Variants in LANCL3 observed in about 807,000 individuals in gnomAD.
The protein encoded by LANCL3 is lanC-like protein 3.
A neutral mutation model predicts 26.5 loss-of-function variants in LANCL3; 19 were observed. The ratio of observed to expected loss-of-function variants is 0.72; its 90% CI spans 0.50 to 1.05. LANCL3 has a LOEUF of 1.05. Ranked by LOEUF, LANCL3 falls within the 50% of genes least tolerant of loss-of-function variation. The probability of loss-of-function intolerance (pLI) is 0.00; values close to 1 mark genes in which losing one functional copy is unlikely to be tolerated. For synonymous variants in LANCL3, 160 were observed against 166.6 expected (o/e 0.96, Z 0.30); for missense variants, 318 against 362.7 (o/e 0.88, Z 1.00).
rs368270626 is a variant in LANCL3 at position 37,604,650 on chromosome X, T to A, written c.573+32207T>A. On this transcript the variant is annotated intron_variant, in intron 1 of 4. Transcript: ENST00000378619. ...ATACGTTTTTCAGCTAGCCAGCTAT[T>A]GACTGGTGTGACAGGGGTGGCTCAA... Among the ~76,000 whole-genome samples the A allele has an allele frequency of 6.2e-5, 7 of 112,020 alleles. No individual in the cohort carries two copies. The East Asian group carries it at 8.4e-4, about 13-fold the overall frequency.
chrX:37,658,432 A>G (rs1556431674), intron 2 of LANCL3, among the ~76,000 whole-genome samples: 2 of 112,292 alleles, frequency 1.8e-5, no homozygotes, highest in Admixed American at 1.9e-4. Context: ...CAGGCAGGAC[A>G]AACTAATTAT....
intron 1 of LANCL3, among the ~76,000 whole-genome samples, chrX:37,637,972 A>T (rs1349084064): frequency 3.6e-5 from 4 of 110,625 alleles, no homozygotes; most frequent in South Asian, 7.9e-4. Context: ...TTCTCCTAGG[A>T]ATTTAAAATT....
intron 1 of LANCL3, among the ~76,000 whole-genome samples, chrX:37,649,266 A>G (rs1269422734): frequency 2.7e-5 from 3 of 112,472 alleles, no homozygotes; most frequent in Non-Finnish European, 3.7e-5. Context: ...ACGGAATATT[A>G]TGCAGCCATA....
chrX:37,599,399 G>T (rs1271453763), intron 1 of LANCL3, among the ~76,000 whole-genome samples: 1 of 112,193 alleles, frequency 8.9e-6, no homozygotes, highest in African/African-American at 3.2e-5. Context: ...CAAGTTGTTA[G>T]CCTTACATAG....
chrX:37,589,576 G>T (rs782117350), intron 1 of LANCL3, among the ~76,000 whole-genome samples: 40 of 111,809 alleles, frequency 3.6e-4, no homozygotes, highest in Admixed American at 3.2e-3. Flanking sequence ...CCAAATGTCA[G>T]TATCTGTGAT....
intron 4 of LANCL3, among the ~76,000 whole-genome samples, chrX:37,671,877 G>A (rs1926692825): frequency 8.9e-6 from 1 of 111,809 alleles, no homozygotes; most frequent in Admixed American, 9.5e-5. Flanking sequence ...TGTTGTTTAG[G>A]AAATCTGTTA....
intron 1 of LANCL3, among the ~76,000 whole-genome samples, chrX:37,646,204 C>T (rs1348222922): frequency 1.8e-5 from 2 of 113,009 alleles, no homozygotes; most frequent in African/African-American, 6.4e-5. Flanking sequence ...GCACATAATA[C>T]TCATGAATTA....
chrX:37,632,052 G>T (rs1421789361), intron 1 of LANCL3, among the ~76,000 whole-genome samples: 2 of 111,007 alleles, frequency 1.8e-5, no homozygotes, highest in African/African-American at 3.3e-5. Context: ...TGACAGTGGG[G>T]TGTTAAAGTC....
rs782127651 is a variant in LANCL3, at chrX:37,584,864, C to T, written c.573+12421C>T. Among the ~76,000 whole-genome samples, 97 of 111,485 alleles carry T rather than the reference C, an allele frequency of 8.7e-4. 1 individual carries two copies. In the South Asian group the frequency reaches 0.035, roughly 40 times the overall value. ...TTTTTGAGTGTGTTTCCTCTTGCTTCTCTAGTTCTTTTAATTGTGATGTTA... is the reference window on the plus strand; with the variant it reads ...TTTTTGAGTGTGTTTCCTCTTGCTTTTCTAGTTCTTTTAATTGTGATGTTA... On this transcript the variant is annotated intron_variant, in intron 1 of 4. Coordinates refer to ENST00000378619, the MANE Select transcript of LANCL3 (RefSeq NM_001170331.2).
chrX:37,637,041 G>C (rs1602121144), intron 1 of LANCL3, among the ~76,000 whole-genome samples: 1 of 111,883 alleles, frequency 8.9e-6, no homozygotes, highest in East Asian at 2.8e-4. Flanking sequence ...TGAGAAAGCA[G>C]CCTTGACCAA....
At chrX:37,637,991 G>A (rs1240150366) in intron 1 of LANCL3, among the ~76,000 whole-genome samples, 3 of 110,624 alleles carry the variant, frequency 2.7e-5, no homozygotes, top group Non-Finnish European at 5.7e-5. Context: ...TTGGGTTTCA[G>A]TAACTCTATT....
chrX:37,632,560 A>C (rs2146756925), intron 1 of LANCL3, among the ~76,000 whole-genome samples: 1 of 112,068 alleles, frequency 8.9e-6, no homozygotes, highest in African/African-American at 3.2e-5. Flanking sequence ...GATGGTCTTT[A>C]CAATTTGGCA....
At position 37,592,692 on chromosome X, in the gene LANCL3, C is replaced by T. The variant is rs1924321455; in HGVS notation, c.573+20249C>T. ...AGTTGAATAAATGTCCCTGAAAGTT[C>T]AGCCAAAAGACAATGAGATTGATAA... On this transcript the variant is annotated intron_variant, in intron 1 of 4. Coordinates refer to ENST00000378619, the MANE Select transcript of LANCL3 (RefSeq NM_001170331.2). Among the ~76,000 whole-genome samples, 8 of 111,565 alleles carry T rather than the reference C, an allele frequency of 7.2e-5. No homozygotes were observed. In the Admixed American group the frequency reaches 7.6e-4, roughly 11 times the overall value.
chrX:37,665,868 T>A (rs1556433855), intron 3 of LANCL3, among the ~76,000 whole-genome samples: 1 of 112,411 alleles, frequency 8.9e-6, no homozygotes, highest in Non-Finnish European at 1.9e-5. Flanking sequence ...GTGCGTACAG[T>A]ACATAATCAA....
intron 4 of LANCL3, among the ~76,000 whole-genome samples, chrX:37,670,252 T>A (rs782088859): frequency 8.9e-6 from 1 of 112,148 alleles, no homozygotes; most frequent in East Asian, 2.8e-4. Flanking sequence ...TTGTAACTCT[T>A]TGTCAATGTA....
intron 1 of LANCL3, among the ~76,000 whole-genome samples, chrX:37,625,168 T>C (rs1556422837): frequency 8.9e-6 from 1 of 111,991 alleles, no homozygotes; most frequent in East Asian, 2.8e-4. Flanking sequence ...ATCACTAGTT[T>C]GGAATAGGGC....
intron 1 of LANCL3, among the ~76,000 whole-genome samples, chrX:37,611,896 T>G (rs1211972715): frequency 8.9e-6 from 1 of 112,168 alleles, no homozygotes; most frequent in Non-Finnish European, 1.9e-5. Context: ...CAGTTTCTAA[T>G]AATGTACCTT....
intron 1 of LANCL3, among the ~76,000 whole-genome samples, chrX:37,641,801 T>C: frequency 8.9e-6 from 1 of 111,924 alleles, no homozygotes; most frequent in East Asian, 2.8e-4. Flanking sequence ...AATACCTCTC[T>C]GAGATGATGA....
chrX:37,659,025 G>A (rs1444723483), intron 2 of LANCL3, among the ~76,000 whole-genome samples: 1 of 112,380 alleles, frequency 8.9e-6, no homozygotes, highest in African/African-American at 3.2e-5. Flanking sequence ...CATTTTAGGA[G>A]CATTTTCATG....
Sources: allele counts gnomAD v4.1 joint callset (sites outside exome capture counted in the v4.1 genomes callset), GRCh38; gene constraint gnomAD v4.1.1; transcripts MANE v1.5; gene names NCBI Gene and HGNC (gene_info 2026-07-23, HGNC 2026-07-21).